ATP8B1: variants seen among roughly 807,000 people sequenced by gnomAD.
ATP8B1 encodes ATPase phospholipid transporting 8B1.
In ATP8B1, 80 loss-of-function variants were observed where a neutral mutation model predicts 149.9. That is an observed-to-expected ratio of 0.53 (90% CI 0.45 to 0.64). The LOEUF is 0.64. Among genes scored for constraint, ATP8B1 ranks in the 30% least tolerant of loss-of-function variants. ATP8B1 has a pLI of 0.00. For synonymous variants in ATP8B1, 536 were observed against 562.8 expected (o/e 0.95, Z 0.67); for missense variants, 1,247 against 1,552.6 (o/e 0.80, Z 3.31).
Position 57,695,029 on chromosome 18 carries a change from CAAAAAAAAAAAAA to C in ATP8B1, c.940+129_940+141del, listed in dbSNP as rs397960134. ...TGGGCTACAGAGTGAGACTCTGTCT[CAAAAAAAAAAAAA>C]AAAAAAAAAAAAAGCTCATGATGCT... On this transcript the variant is annotated intron_variant, in intron 10 of 27. Coordinates refer to ENST00000648908, the MANE Select transcript of ATP8B1 (RefSeq NM_001374385.1). 350 of 282,970 alleles carry C rather than the reference CAAAAAAAAAAAAA, an allele frequency of 1.2e-3. 2 individuals carry two copies. In the African/African-American group the frequency reaches 0.017, roughly 14 times the overall value. The allele number at this position is 282,970 out of a possible 1,614,324, so 17.5% of individuals were successfully genotyped here.
At chr18:57,676,717 C>CAAAAAAAAAAAAAAA (rs58101846) in intron 15 of ATP8B1, among the ~76,000 whole-genome samples, 9 of 92,200 alleles carry the variant, frequency 9.8e-5, no homozygotes, top group Admixed American at 1.4e-4. Context: ...GACTCCATTT[C>CAAAAAAAAAAAAAAA]AAAAAAAAAA....
intron 1 of ATP8B1, chr18:57,738,172 A>C (rs1377673905): frequency 1.3e-5 from 2 of 152,274 alleles, no homozygotes; most frequent in African/African-American, 4.8e-5. Flanking sequence ...AAACTTCATA[A>C]TGTCTCTGAC....
intron 1 of ATP8B1, among the ~76,000 whole-genome samples, chr18:57,764,098 T>C (rs11875119): frequency 0.4 from 60,135 of 152,018 alleles, 11,944 homozygotes; most frequent in Non-Finnish European, 0.41. Context: ...ACAAGCCCGG[T>C]CACTCTCGCT....
chr18:57,660,986 C>T (rs1181987375), intron 22 of ATP8B1, among the ~76,000 whole-genome samples, 188 bp downstream of exon 22: 3 of 152,170 alleles, frequency 2.0e-5, no homozygotes, highest in Non-Finnish European at 4.4e-5. Context: ...CTCTTTCCTC[C>T]TGATGGGCTG....
At chr18:57,779,910 A>AG (rs1330775587) in intron 1 of ATP8B1, among the ~76,000 whole-genome samples, 1 of 151,846 alleles carries the variant, frequency 6.6e-6, no homozygotes, top group Non-Finnish European at 1.5e-5. Context: ...AAAAAAAAAA[A>AG]AGAGAAAGAA....
intron 15 of ATP8B1, among the ~76,000 whole-genome samples, chr18:57,678,538 G>A (rs1911738968): frequency 6.8e-6 from 1 of 146,238 alleles, no homozygotes; most frequent in Non-Finnish European, 1.5e-5. Flanking sequence ...AGTGAACCGA[G>A]ATCACACCAT....
chr18:57,672,915 TATATATATATATATATAA>T lies in ATP8B1; in HGVS notation c.1820-1353_1820-1336del, dbSNP rs1291687787. ...ATATATATATATATATATATATATA[TATATATATATATATATAA>T]CATGTATATACACATATATACATAC... On this transcript the variant is annotated intron_variant, in intron 16 of 27. Transcript: ENST00000648908. Among the ~76,000 whole-genome samples, 58 of 58,306 alleles carry T rather than the reference TATATATATATATATATAA, an allele frequency of 9.9e-4. 4 individuals carry two copies. Among genetic ancestry groups the T allele is most frequent in the Admixed American group, 2.1e-3 (9 of 4,200 alleles). The allele number at this position is 58,306 out of a possible 152,430, so 38.3% of individuals were successfully genotyped here.
At position 57,669,984 on chromosome 18, in the gene ATP8B1, A is replaced by G. The variant is rs1048209498; in HGVS notation, c.1933-502T>C. Among the ~76,000 whole-genome samples, 11 of 152,200 alleles carry G rather than the reference A, an allele frequency of 7.2e-5. 1 individual carries two copies. The highest frequency in any genetic ancestry group is 5.2e-4 in the Admixed American group (8 of 15,290). On this transcript the variant is annotated intron_variant, in intron 17 of 27. Coordinates refer to ENST00000648908, the MANE Select transcript of ATP8B1 (RefSeq NM_001374385.1). ...ATAGACTTTGCTTTTCTAAACTTCTATAGGGTCCAGGACTGCACTTCCAGT... is the reference window on the plus strand; with the variant it reads ...ATAGACTTTGCTTTTCTAAACTTCTGTAGGGTCCAGGACTGCACTTCCAGT...
At chr18:57,676,459 C>G (rs1383912507) in intron 15 of ATP8B1, among the ~76,000 whole-genome samples, 1 of 151,612 alleles carries the variant, frequency 6.6e-6, no homozygotes, top group Non-Finnish European at 1.5e-5. Flanking sequence ...GTGGCTCACG[C>G]CTGTAATCCC....
intron 13 of ATP8B1, among the ~76,000 whole-genome samples, chr18:57,686,191 G>A (rs1912233040): frequency 6.6e-6 from 1 of 150,976 alleles, no homozygotes; most frequent in African/African-American, 2.4e-5. Context: ...GAACCTGGGA[G>A]GCGGAGGGGT....
intron 2 of ATP8B1, among the ~76,000 whole-genome samples, chr18:57,708,833 C>T (rs964938444): frequency 6.6e-6 from 1 of 152,182 alleles, no homozygotes; most frequent in Non-Finnish European, 1.5e-5. Context: ...AATTAAGCCA[C>T]CAGCTGGTGG....
At chr18:57,787,580 T>C (rs2080422381) in intron 1 of ATP8B1, among the ~76,000 whole-genome samples, 1 of 152,208 alleles carries the variant, frequency 6.6e-6, no homozygotes, top group Non-Finnish European at 1.5e-5. Context: ...GAGTGTTGGC[T>C]CCGCTATACC....
intron 20 of ATP8B1, among the ~76,000 whole-genome samples, chr18:57,666,441 A>C (rs1449072815): frequency 6.6e-6 from 1 of 152,018 alleles, no homozygotes; most frequent in Non-Finnish European, 1.5e-5. Context: ...CAAAAGTAAA[A>C]GTTCCTAGAA....
At chr18:57,663,590 C>G (rs1910648107) in intron 20 of ATP8B1, among the ~76,000 whole-genome samples, 1 of 151,994 alleles carries the variant, frequency 6.6e-6, no homozygotes, top group African/African-American at 2.4e-5. Flanking sequence ...TTGTTATTTT[C>G]TATTGTGTTT....
chr18:57,747,305 T>C (rs1279904046), intron 1 of ATP8B1, among the ~76,000 whole-genome samples: 2 of 151,954 alleles, frequency 1.3e-5, no homozygotes, highest in African/African-American at 4.8e-5. Context: ...ATACAAAAAT[T>C]AGCCAGGCGT....
At chr18:57,749,026 TTG>T (rs144632114) in intron 1 of ATP8B1, among the ~76,000 whole-genome samples, 1,982 of 152,314 alleles carry the variant, frequency 0.013, 51 homozygotes, top group African/African-American at 0.045. Flanking sequence ...TCAAAATGTT[TTG>T]GAGTTTTAAA....
rs116385681 is a variant in ATP8B1 at position 57,702,020 on chromosome 18, A to G, written c.394-707T>C. Among the ~76,000 whole-genome samples, 1,150 of 152,184 alleles carry G rather than the reference A, an allele frequency of 7.6e-3. 12 individuals are homozygous for G. Among genetic ancestry groups the G allele is most frequent in the African/African-American group, 0.026 (1,072 of 41,548 alleles). ...GCCAAAGTCATCTTAACTTTTAAGG[A>G]ATGCATGCATAGTAGGTTCTATACT... On this transcript the variant is annotated intron_variant, in intron 4 of 27. Transcript: ENST00000648908.
chr18:57,749,291 T>C (rs995765138), intron 1 of ATP8B1, among the ~76,000 whole-genome samples: 1 of 152,194 alleles, frequency 6.6e-6, no homozygotes, highest in African/African-American at 2.4e-5. Context: ...ACAGAGAATA[T>C]ATATACTTAT....
At chr18:57,714,460 G>A (rs1231470105) in intron 2 of ATP8B1, among the ~76,000 whole-genome samples, 1 of 152,034 alleles carries the variant, frequency 6.6e-6, no homozygotes. Context: ...ACCCAGTGTG[G>A]TGCCAGCTTC....
Sources: allele counts gnomAD v4.1 joint callset (sites outside exome capture counted in the v4.1 genomes callset), GRCh38; gene constraint gnomAD v4.1.1; transcripts MANE v1.5; gene names NCBI Gene and HGNC (gene_info 2026-07-23, HGNC 2026-07-21).